Variants in GCNT1 observed in about 807,000 individuals in gnomAD.
GCNT1 encodes the protein beta-1,3-galactosyl-O-glycosyl-glycoprotein beta-1,6-N-acetylglucosaminyltransferase.
A neutral mutation model predicts 26.2 loss-of-function variants in GCNT1; 16 were observed. The ratio of observed to expected loss-of-function variants is 0.61; its 90% confidence interval spans 0.41 to 0.93. GCNT1 has a LOEUF of 0.93. GCNT1 is among the 40% of genes least tolerant of loss of function. GCNT1 has a pLI of 0.00. For missense variants in GCNT1, 477 were observed against 526.7 expected, an observed-to-expected ratio of 0.91 and a Z score of 0.92; for synonymous variants, 183 against 190.8, an observed-to-expected ratio of 0.96 and a Z score of 0.34.
rs190204492 is a variant in GCNT1 at position 76,480,188 on chromosome 9, G to A, written c.-290+20011G>A. On this transcript the variant is annotated intron_variant, in intron 2 of 3. Transcript: ENST00000376730. ...GTAGATGTGTGGTATTATTTCTGAG[G>A]GCTCTGTTCTGTTCCATTGGTCTAT... Among the ~76,000 whole-genome samples, 172 of 152,144 alleles carry A rather than the reference G, an allele frequency of 1.1e-3. 1 individual carries two copies. Among genetic ancestry groups the A allele is most frequent in the African/African-American group, 3.0e-3 (125 of 41,500 alleles).
intron 2 of GCNT1, among the ~76,000 whole-genome samples, chr9:76,492,220 C>G (rs926609695): frequency 5.3e-5 from 8 of 152,122 alleles, no homozygotes; most frequent in Non-Finnish European, 1.0e-4. Context: ...GGTTGATTCC[C>G]TCCTCAAGCA....
At chr9:76,409,697 C>T in the GCNT1 span, among the ~76,000 whole-genome samples, 4 of 152,118 alleles carry the variant, frequency 2.6e-5, no homozygotes, top group Non-Finnish European at 2.9e-5. Context: ...CCACCTGCCT[C>T]GACCTCCCAA....
chr9:76,471,847 A>AT (rs555961414), intron 2 of GCNT1, among the ~76,000 whole-genome samples: 3 of 151,746 alleles, frequency 2.0e-5, no homozygotes, highest in South Asian at 2.1e-4. Flanking sequence ...TAAGATGTAA[A>AT]TTTTTTTTTC....
the GCNT1 span, among the ~76,000 whole-genome samples, chr9:76,412,951 G>A: frequency 6.6e-6 from 1 of 152,126 alleles, no homozygotes; most frequent in Non-Finnish European, 1.5e-5. Flanking sequence ...AACCTGCCTG[G>A]ATAATGCCCT....
At chr9:76,399,103 G>A in the GCNT1 span, 3,629 of 1,583,802 alleles carry the variant, frequency 2.3e-3, 62 homozygotes, top group African/African-American at 0.041. Flanking sequence ...AGCCTCTCAC[G>A]GAGGCATCTT....
chr9:76,409,780 T>A, the GCNT1 span, among the ~76,000 whole-genome samples: 2 of 152,266 alleles, frequency 1.3e-5, no homozygotes, highest in East Asian at 3.9e-4. Context: ...TTTTTATTAT[T>A]TCTTTTCTTT....
At chr9:76,439,582 C>T (rs541532063), upstream of GCNT1, among the ~76,000 whole-genome samples, 1 of 152,102 alleles carries the variant, frequency 6.6e-6, no homozygotes, top group Non-Finnish European at 1.5e-5. Flanking sequence ...GTCTGCATTT[C>T]CTTAGTAGAG....
chr9:76,400,437 GTC>G, the GCNT1 span, among the ~76,000 whole-genome samples: 1 of 152,136 alleles, frequency 6.6e-6, no homozygotes, highest in Non-Finnish European at 1.5e-5. Context: ...TTTGACACTA[GTC>G]TCTCTCTACT....
chr9:76,408,012 A>T, the GCNT1 span, among the ~76,000 whole-genome samples: 5 of 152,174 alleles, frequency 3.3e-5, no homozygotes, highest in Non-Finnish European at 7.3e-5. Context: ...TAGTTCCAGG[A>T]ATCTTTTGTT....
upstream of GCNT1, among the ~76,000 whole-genome samples, chr9:76,415,718 T>C (rs967060521): frequency 1.2e-4 from 18 of 152,204 alleles, no homozygotes; most frequent in Admixed American, 1.2e-3. Context: ...GAAACAGATC[T>C]TCCACATGTA....
intron 2 of GCNT1, among the ~76,000 whole-genome samples, chr9:76,465,046 G>A (rs1209100191): frequency 6.6e-6 from 1 of 151,992 alleles, no homozygotes; most frequent in African/African-American, 2.4e-5. Flanking sequence ...ATTCACAGGA[G>A]CAATCATAGC....
At chr9:76,472,744 CTTTTCTTTTTT>C (rs1189799033) in intron 2 of GCNT1, among the ~76,000 whole-genome samples, 6 of 122,212 alleles carry the variant, frequency 4.9e-5, no homozygotes, top group African/African-American at 1.4e-4. Flanking sequence ...CTTTTCTTTT[CTTTTCTTTTTT>C]TTTTTTTTTT....
intron 1 of GCNT1, among the ~76,000 whole-genome samples, chr9:76,433,612 C>T (rs1436054585): frequency 6.6e-6 from 1 of 152,174 alleles, no homozygotes; most frequent in South Asian, 2.1e-4. Flanking sequence ...CTGAGTGCTG[C>T]AGTCGCGGTG....
At chr9:76,455,089 G>A (rs913885471), upstream of GCNT1, among the ~76,000 whole-genome samples, 47 of 151,686 alleles carry the variant, frequency 3.1e-4, no homozygotes, top group African/African-American at 9.7e-4. Context: ...CTTGTGATTC[G>A]CCCGCCTCAG....
At chr9:76,440,050 G>A (rs373015018), upstream of GCNT1, among the ~76,000 whole-genome samples, 4 of 150,240 alleles carry the variant, frequency 2.7e-5, no homozygotes, top group Admixed American at 6.7e-5. Flanking sequence ...GCAGTGAGCC[G>A]AAATCCCACC....
intron 1 of GCNT1, among the ~76,000 whole-genome samples, chr9:76,443,988 A>AG (rs1291383378): frequency 8.7e-5 from 11 of 126,118 alleles, no homozygotes; most frequent in African/African-American, 3.1e-4. Context: ...GAAGGAAGGA[A>AG]GGAAGAAAAA....
At position 76,504,193 on chromosome 9, in the gene GCNT1, T is replaced by C. The variant is rs921960708; in HGVS notation, c.*525T>C. On this transcript the variant is annotated 3_prime_UTR_variant, in exon 4 of 4. Coordinates refer to ENST00000376730, the MANE Select transcript of GCNT1 (RefSeq NM_001490.5). ...GTAAATAATTTATATTCTGCTCTAA[T>C]ACTGTACTGTGTAGTGTGTCTCCGT... 5.4e-6 allele frequency: 1 copy of C among 186,624 alleles called. No homozygotes were observed. Among genetic ancestry groups the C allele is most frequent in the African/African-American group, 2.4e-5 (1 of 41,908 alleles). 11.6% of individuals were successfully genotyped at this position (186,624 alleles called of 1,614,324 possible). A position where few individuals can be genotyped will look rare whatever the true frequency, so the allele number is the denominator to read the frequency against.
chr9:76,480,220 G>A (rs976048674), intron 2 of GCNT1, among the ~76,000 whole-genome samples: 3 of 152,094 alleles, frequency 2.0e-5, no homozygotes, highest in Non-Finnish European at 1.5e-5. Context: ...CTATATCTCT[G>A]TTTTGGTACC....
rs142006415 is a variant in GCNT1 at position 76,429,693 on chromosome 9, T to G, written n.38+9806T>G. 2.6e-3 allele frequency among the ~76,000 whole-genome samples: 388 copies of G among 150,702 alleles called. 1 individual carries two copies. Among genetic ancestry groups the G allele is most frequent in the African/African-American group, 9.1e-3 (375 of 41,044 alleles). ...AGTACAAGCCCTAATGAATAGAAGG[T>G]TTTCAAGCCTCTGTTTTCTTTCTTT... is the stretch of plus-strand genomic sequence containing the variant. On this transcript the variant is annotated intron_variant and non_coding_transcript_variant, in intron 1 of 3. Transcript: ENST00000488136.
Sources: allele counts gnomAD v4.1 joint callset (sites outside exome capture counted in the v4.1 genomes callset), GRCh38; gene constraint gnomAD v4.1.1; transcripts MANE v1.5; gene names NCBI Gene and HGNC (gene_info 2026-07-23, HGNC 2026-07-21).